Variants in RORA observed in about 807,000 individuals in gnomAD.
The protein encoded by RORA is RAR related orphan receptor A.
In RORA, 7 loss-of-function variants were observed where a neutral mutation model predicts 69.5. The observed-to-expected ratio is 0.10, with a 90% CI of 0.06 to 0.19. RORA has a LOEUF of 0.19. RORA is among the 10% of genes least tolerant of loss of function. The probability of loss-of-function intolerance (pLI) is 1.00; values close to 1 mark genes in which losing one functional copy is unlikely to be tolerated. For missense variants in RORA, 457 were observed against 663.0 expected (o/e 0.69, Z 3.41); for synonymous variants, 261 against 240.8 (o/e 1.08, Z -0.78).
intron 1 of RORA, among the ~76,000 whole-genome samples, chr15:61,069,100 T>C (rs2140582049): frequency 6.6e-6 from 1 of 152,334 alleles, no homozygotes; most frequent in East Asian, 1.9e-4. Flanking sequence ...ATGCAGTGGA[T>C]GAAGCTAAAA....
chr15:61,109,436 G>A (rs766241319), intron 1 of RORA, among the ~76,000 whole-genome samples: 36 of 152,104 alleles, frequency 2.4e-4, no homozygotes, highest in Admixed American at 9.8e-4. Context: ...AAAGTGACAC[G>A]CAGAGATTTG....
At chr15:60,937,149 T>C (rs189983744) in intron 1 of RORA, among the ~76,000 whole-genome samples, 4 of 152,290 alleles carry the variant, frequency 2.6e-5, no homozygotes, top group African/African-American at 9.6e-5. Context: ...GGCATACAGC[T>C]GGCAAGTGGC....
intron 2 of RORA, among the ~76,000 whole-genome samples, chr15:60,587,468 G>A (rs1207723713): frequency 6.6e-6 from 1 of 152,120 alleles, no homozygotes; most frequent in Non-Finnish European, 1.5e-5. Flanking sequence ...TAGAAATTAG[G>A]GTTGTAGTTC....
At chr15:60,815,053 G>A (rs1176410572) in intron 1 of RORA, among the ~76,000 whole-genome samples, 4 of 151,892 alleles carry the variant, frequency 2.6e-5, no homozygotes, top group African/African-American at 9.7e-5. Flanking sequence ...TTTTTCCCAC[G>A]GTTTGACCTT....
chr15:61,187,341 C>G (rs982624528), intron 1 of RORA, among the ~76,000 whole-genome samples: 6 of 152,238 alleles, frequency 3.9e-5, no homozygotes, highest in African/African-American at 1.4e-4. Context: ...CAGCCAGATG[C>G]CTTTCTGCAG....
intron 2 of RORA, chr15:60,593,365 G>C (rs2068595678): frequency 6.5e-6 from 1 of 152,776 alleles, no homozygotes. Flanking sequence ...TCTCTCCAGA[G>C]AACCCATCTA....
chr15:60,650,881 C>A (rs947550923), intron 2 of RORA, among the ~76,000 whole-genome samples: 4 of 152,068 alleles, frequency 2.6e-5, no homozygotes, highest in African/African-American at 7.2e-5. Flanking sequence ...TATTTTTAAT[C>A]CCCTTTTGAT....
intron 1 of RORA, among the ~76,000 whole-genome samples, chr15:60,946,015 G>A (rs1892859383): frequency 6.6e-6 from 1 of 152,190 alleles, no homozygotes; most frequent in African/African-American, 2.4e-5. Flanking sequence ...CTAGCACTCA[G>A]GTGGGTTATA....
chr15:60,510,364 C>T (rs937104981), intron 5 of RORA: 5 of 152,158 alleles, frequency 3.3e-5, no homozygotes, highest in Admixed American at 6.5e-5. Flanking sequence ...ACAACTTCCT[C>T]GAAATGGAAA....
chr15:60,730,050 A>G (rs1168540141), intron 1 of RORA, among the ~76,000 whole-genome samples: 2 of 152,248 alleles, frequency 1.3e-5, no homozygotes, highest in Non-Finnish European at 2.9e-5. Flanking sequence ...AAATAAAACC[A>G]TGAACAAGAG....
intron 1 of RORA, among the ~76,000 whole-genome samples, chr15:60,892,497 G>A (rs1040643507): frequency 6.6e-6 from 1 of 151,960 alleles, no homozygotes; most frequent in Non-Finnish European, 1.5e-5. Context: ...AAAAGTCCCC[G>A]CCTTTATGCT....
intron 1 of RORA, among the ~76,000 whole-genome samples, chr15:61,168,511 G>A (rs978550668): frequency 1.3e-5 from 2 of 151,918 alleles, no homozygotes; most frequent in African/African-American, 2.4e-5. Flanking sequence ...TGCCCACCTC[G>A]GCCTCCCAAA....
At chr15:60,601,830 C>G (rs1380867747) in intron 2 of RORA, among the ~76,000 whole-genome samples, 1 of 151,994 alleles carries the variant, frequency 6.6e-6, no homozygotes, top group East Asian at 1.9e-4. Context: ...TATGCATAGT[C>G]TTGTTATTTA....
chr15:61,015,044 G>A lies in RORA; in HGVS notation c.166+214009C>T, dbSNP rs544477472. Among the ~76,000 whole-genome samples, 38 of 152,268 alleles carry A rather than the reference G, an allele frequency of 2.5e-4. No homozygotes were observed. The South Asian group carries it at 7.7e-3, about 31-fold the overall frequency. The stretch of plus-strand genomic sequence containing the variant: ...AAGCACCGGATCTCTCCTATAGCCC[G>A]AAGCTCGTTAAACTACCGCAAAATA... On this transcript the variant is annotated intron_variant, in intron 1 of 10. Coordinates refer to ENST00000335670, the MANE Select transcript of RORA (RefSeq NM_134261.3).
chr15:61,112,575 C>A (rs780794565), intron 1 of RORA, among the ~76,000 whole-genome samples: 1 of 152,106 alleles, frequency 6.6e-6, no homozygotes, highest in Non-Finnish European at 1.5e-5. Context: ...CAGGGTGCCA[C>A]GCGTATTTAA....
At chr15:60,751,725 G>A (rs1414588137) in intron 1 of RORA, among the ~76,000 whole-genome samples, 2 of 152,162 alleles carry the variant, frequency 1.3e-5, no homozygotes, top group Non-Finnish European at 2.9e-5. Context: ...ACCAGGTTGA[G>A]CTTGGTGTCG....
chr15:61,160,603 AGCTGGTGCT>A (rs2079486384), intron 1 of RORA, among the ~76,000 whole-genome samples: 1 of 152,164 alleles, frequency 6.6e-6, no homozygotes, highest in African/African-American at 2.4e-5. Flanking sequence ...GCTTGCCCAT[AGCTGGTGCT>A]CAGTGCCTGC....
intron 1 of RORA, among the ~76,000 whole-genome samples, chr15:61,184,205 A>G (rs2079716699): frequency 6.6e-6 from 1 of 152,192 alleles, no homozygotes; most frequent in Non-Finnish European, 1.5e-5. Context: ...TGCATTTGCA[A>G]CCATGTGTCT....
At chr15:61,138,739 G>GA (rs139305830) in intron 1 of RORA, among the ~76,000 whole-genome samples, 2 of 151,750 alleles carry the variant, frequency 1.3e-5, no homozygotes, top group East Asian at 1.9e-4. Flanking sequence ...CTCTGAGGGG[G>GA]AAAAAAAGCC....
Sources: gnomAD v4.1 joint callset for allele counts (sites outside exome capture counted in the v4.1 genomes callset) on GRCh38, gnomAD v4.1.1 for gene constraint, MANE v1.5 for transcripts, NCBI Gene and HGNC (gene_info 2026-07-23, HGNC 2026-07-21) for gene names.